IDUA: variants seen among roughly 807,000 people sequenced by gnomAD.
IDUA encodes alpha-L-iduronidase, also known as iduronidase alpha-L-.
In IDUA, 65 loss-of-function variants were observed where a neutral mutation model predicts 68.9. The ratio of observed to expected loss-of-function variants is 0.94; its 90% confidence interval spans 0.77 to 1.16. The LOEUF is 1.16. IDUA is among the 50% of genes most tolerant of loss of function. The probability of loss-of-function intolerance (pLI) is 0.00; values close to 1 mark genes in which losing one functional copy is unlikely to be tolerated. For synonymous variants in IDUA, 529 were observed against 433.6 expected, an observed-to-expected ratio of 1.22 and a Z score of -2.73; for missense variants, 1,046 against 938.0, an observed-to-expected ratio of 1.12 and a Z score of -1.50.
At chr4:999,021 G>T (rs758599321) in intron 2 of IDUA, among the ~76,000 whole-genome samples, 5 of 151,974 alleles carry the variant, frequency 3.3e-5, no homozygotes, top group Admixed American at 1.3e-4. Flanking sequence ...TGGCTAACAT[G>T]GTGAAACTCC....
At chr4:990,459 C>T in intron 2 of IDUA, 1 of 1,179,394 alleles carries the variant, frequency 8.5e-7, no homozygotes, top group South Asian at 1.6e-5. Context: ...GGTCACGGCA[C>T]AGGACCTGAC....
At chr4:998,309 A>C (rs1337625798) in intron 2 of IDUA, among the ~76,000 whole-genome samples, 1 of 152,198 alleles carries the variant, frequency 6.6e-6, no homozygotes, top group Non-Finnish European at 1.5e-5. Context: ...TGGGAGGACC[A>C]GAAGGGAGGC....
At position 989,976 on chromosome 4, in the gene IDUA, G is replaced by A. The variant is rs138492048; in HGVS notation, c.299+2027G>A. The stretch of plus-strand genomic sequence containing the variant: ...GGGGCATGAAACCCGTGGGGATGTC[G>A]CCAGCCACGCTCGAGCCAAAGCGCT... On this transcript the variant is annotated intron_variant, in intron 2 of 13. Coordinates refer to ENST00000514224, the MANE Select transcript of IDUA (RefSeq NM_000203.5). 539 of 1,556,958 alleles carry A rather than the reference G, an allele frequency of 3.5e-4. 1 individual carries two copies. The highest frequency in any genetic ancestry group is 4.1e-4 in the Non-Finnish European group (478 of 1,152,376).
chr4:987,878 T>TGTGGGCGCC lies in IDUA; in HGVS notation c.231_239dup (p.Gly78_Val80dup). 1 of 1,611,900 alleles carries TGTGGGCGCC rather than the reference T, an allele frequency of 6.2e-7. No homozygotes were observed. Among genetic ancestry groups the TGTGGGCGCC allele is most frequent in the Non-Finnish European group, 8.5e-7 (1 of 1,179,672 alleles). ...GGGACCAGCAGCTCAACCTCGCCTA[T>TGTGGGCGCC]GTGGGCGCCGTCCCTCACCGCGGCA... On this transcript the variant is annotated inframe_insertion, in exon 2 of 14. Coordinates refer to ENST00000514224, the MANE Select transcript of IDUA (RefSeq NM_000203.5).
In IDUA at chr4:1,002,577, C is replaced by A. The variant is rs1715162257; in HGVS notation, c.1189+92C>A. On this transcript the variant is annotated intron_variant, in intron 8 of 13. Coordinates refer to ENST00000514224, the MANE Select transcript of IDUA (RefSeq NM_000203.5). ...CCCCGCTGCGGGGAGCGCACTTCCT[C>A]CAGCCGCGCGCTTCCCGGGGTCGGC... 5 of 1,268,098 alleles carry A rather than the reference C, an allele frequency of 3.9e-6. No individual in the cohort carries two copies. In the South Asian group the frequency reaches 8.6e-5, roughly 22 times the overall value. 78.6% of individuals were successfully genotyped at this position (1,268,098 alleles called of 1,614,324 possible). A position where few individuals can be genotyped will look rare whatever the true frequency, so the allele number is the denominator to read the frequency against.
At chr4:991,263 G>A (rs756320773) in intron 2 of IDUA, 4 of 1,612,654 alleles carry the variant, frequency 2.5e-6, no homozygotes, top group South Asian at 1.1e-5. Flanking sequence ...CCTGGGAGGG[G>A]TCAAAGCCGG....
At position 989,606 on chromosome 4, in the gene IDUA, C is replaced by T. The variant is rs144218313; in HGVS notation, c.299+1657C>T. On this transcript the variant is annotated intron_variant, in intron 2 of 13. Transcript: ENST00000514224. ...GCCCCCCGCAGGCTGACCACGATGA[C>T]GCAGGCCAGCACGCTTCGCTGTAGG... is the stretch of plus-strand genomic sequence containing the variant. 9,438 of 1,602,272 alleles carry T rather than the reference C, an allele frequency of 5.9e-3. 390 individuals are homozygous for T. The South Asian group carries it at 0.081, about 14-fold the overall frequency.
Position 1,002,459 on chromosome 4 carries a change from C to G in IDUA, c.1163C>G (p.Thr388Arg), listed in dbSNP as rs794727896. The change falls in exon 8 of 14, where the codon ACG (threonine) becomes AGG (arginine). Residue 388 changes from threonine to arginine, a missense_variant. By Grantham distance (71) the Thr-to-Arg change is moderately conservative. Coordinates refer to ENST00000514224, the MANE Select transcript of IDUA (RefSeq NM_000203.5). ...CAGCTGTTGCGCAAGCCGGTGCTCA[C>G]GGCCATGGGGCTGCTGGCGCTGCTG... ...HVQLLRKPVL[T>R]AMGLLALLDE... 69 of 1,553,226 alleles carry G rather than the reference C, an allele frequency of 4.4e-5. No individual in the cohort carries two copies. Among genetic ancestry groups the G allele is most frequent in the Non-Finnish European group, 6.0e-5 (69 of 1,149,360 alleles).
chr4:996,701 G>A (rs1429415463), intron 2 of IDUA, among the ~76,000 whole-genome samples: 1 of 152,192 alleles, frequency 6.6e-6, no homozygotes, highest in Non-Finnish European at 1.5e-5. Context: ...GGATCCTTGG[G>A]GCCTGACCTG....
rs1479136842 is a variant in IDUA at position 1,003,337 on chromosome 4, G to C, written c.1525-8G>C. On this transcript the variant is annotated splice_polypyrimidine_tract_variant and splice_region_variant and intron_variant, in intron 10 of 13. Transcript: ENST00000514224. ...TGGAGAACCCTGAGGACCGGCCACT[G>C]CGCCCAGGACCCGGTGGCCGCGGCG... 9 of 1,450,728 alleles carry C rather than the reference G, an allele frequency of 6.2e-6. No individual in the cohort carries two copies. The highest frequency in any genetic ancestry group is 8.1e-6 in the Non-Finnish European group (9 of 1,110,462). The allele number at this position is 1,450,728 out of a possible 1,614,324, so 89.9% of individuals were successfully genotyped here. A position where few individuals can be genotyped will look rare whatever the true frequency, so the allele number is the denominator to read the frequency against.
In IDUA at chr4:1,003,156, A is replaced by G. The variant is rs1577543233; in HGVS notation, c.1523A>G (p.Glu508Gly). ...CAGTTCCGGCGCATGCGCGCGGCTG[A>G]GGTAGGTGGGCCGCGGAGGGGCGAG... ...AEQFRRMRAAEDPVAAAPRPL... is the reference protein window; with the variant it reads ...AEQFRRMRAAGDPVAAAPRPL... Residue 508 changes from glutamate (E) to glycine (G), a missense_variant and splice_region_variant, in exon 10 of 14, where the codon GAG (glutamate) becomes GGG (glycine). Transcript: ENST00000514224. The G allele has an allele frequency of 1.7e-6, 2 of 1,182,964 alleles. No homozygotes were observed. Among genetic ancestry groups the G allele is most frequent in the Non-Finnish European group, 1.0e-6 (1 of 955,394 alleles). 73.3% of individuals were successfully genotyped at this position (1,182,964 alleles called of 1,614,324 possible).
chr4:987,381 T>C, intron 1 of IDUA, 139 bp downstream of exon 1: 1 of 880,930 alleles, frequency 1.1e-6, no homozygotes, highest in Non-Finnish European at 1.6e-6. Flanking sequence ...CCCCCCGCCG[T>C]GTTTGTGGGT....
intron 2 of IDUA, chr4:989,172 C>T: frequency 6.2e-7 from 1 of 1,607,224 alleles, no homozygotes; most frequent in South Asian, 1.1e-5. Flanking sequence ...GGTCCTCGCC[C>T]TGGGCAGGGC....
In IDUA at chr4:1,002,797, G is replaced by A. The variant is rs1396670168; in HGVS notation, c.1255G>A (p.Gly419Ser). 2.0e-6 allele frequency: 3 copies of A among 1,468,508 alleles called. No homozygotes were observed. Among genetic ancestry groups the A allele is most frequent in the Non-Finnish European group, 1.8e-6 (2 of 1,115,908 alleles). The allele number at this position is 1,468,508 out of a possible 1,614,324, so 91.0% of individuals were successfully genotyped here. A position where few individuals can be genotyped will look rare whatever the true frequency, so the allele number is the denominator to read the frequency against. ...CGTCCTGGACAGCAACCACACGGTG[G>A]GCGTCCTGGCCAGCGCCCACCGCCC... Reference protein sequence around the residue: ...GTVLDSNHTVGVLASAHRPQG... With the variant: ...GTVLDSNHTVSVLASAHRPQG... The change falls in exon 9 of 14, where the codon GGC becomes AGC. Residue 419 changes from glycine (G) to serine (S), a missense_variant. Coordinates refer to ENST00000514224, the MANE Select transcript of IDUA (RefSeq NM_000203.5).
In IDUA at chr4:1,000,619, A is replaced by T; in HGVS notation, c.307A>T (p.Thr103Ser). 2 of 1,612,306 alleles carry T rather than the reference A, an allele frequency of 1.2e-6. No homozygotes were observed. Among genetic ancestry groups the T allele is most frequent in the African/African-American group, 1.3e-5 (1 of 75,040 alleles). The change falls in exon 3 of 14, where the codon ACT becomes TCT. Residue 103 changes from threonine (T) to serine (S), a missense_variant. Thr to Ser is a moderately conservative substitution (Grantham distance 58). Coordinates refer to ENST00000514224, the MANE Select transcript of IDUA (RefSeq NM_000203.5). ...LLELVTTRGS[T>S]GRGLSYNFTH... ...CTGACCGTCCTTCTGCAGGGGGTCC[A>T]CTGGACGGGGCCTGAGCTACAACTT... is the stretch of plus-strand genomic sequence containing the variant.
rs756131787 is a variant in IDUA, at chr4:1,001,706, C to G, written c.617C>G (p.Ser206Trp). The change falls in exon 6 of 14, where the codon TCG becomes TGG. Residue 206 changes from serine to tryptophan, a missense_variant. Ser to Trp is a radical substitution (Grantham distance 177). Coordinates refer to ENST00000514224, the MANE Select transcript of IDUA (RefSeq NM_000203.5). ...QGFLNYYDAC[S>W]EGLRAASPAL... Reference sequence around the variant, plus strand: ...TTCCTGAACTACTACGATGCCTGCTCGGAGGGTCTGCGCGCCGCCAGCCCC... The same window carrying G: ...TTCCTGAACTACTACGATGCCTGCTGGGAGGGTCTGCGCGCCGCCAGCCCC... The G allele has an allele frequency of 1.9e-6, 3 of 1,599,752 alleles. No individual in the cohort carries two copies. Among genetic ancestry groups the G allele is most frequent in the Non-Finnish European group, 2.5e-6 (3 of 1,178,814 alleles).
In IDUA at chr4:1,002,444, G is replaced by A. The variant is rs754949360; in HGVS notation, c.1148G>A (p.Arg383His). ...NTRPPHVQLL[R>H]KPVLTAMGLL... ...CGCCCGCCGCACGTGCAGCTGTTGC[G>A]CAAGCCGGTGCTCACGGCCATGGGG... Residue 383 changes from arginine to histidine, a missense_variant, in exon 8 of 14, where the codon CGC becomes CAC. Arg to His is a conservative substitution (Grantham distance 29). Transcript: ENST00000514224. 1.6e-5 allele frequency: 25 copies of A among 1,554,722 alleles called. No homozygotes were observed. The South Asian group carries it at 1.7e-4, about 10-fold the overall frequency.
intron 2 of IDUA, among the ~76,000 whole-genome samples, chr4:998,841 T>C (rs988234101): frequency 3.5e-4 from 41 of 118,772 alleles, no homozygotes; most frequent in African/African-American, 1.3e-3. Flanking sequence ...GCTCACAGCC[T>C]GCACAGCCAC....
Position 1,000,630 on chromosome 4 carries a change from C to T in IDUA, c.318C>T (p.Gly106=), listed in dbSNP as rs1174027022. Residue 106 remains glycine (G), a synonymous_variant, in exon 3 of 14, where the codon GGC becomes GGT. Transcript: ENST00000514224. The part of the protein sequence containing the change: ...LVTTRGSTGR[G]LSYNFTHLDG... ...TCTGCAGGGGGTCCACTGGACGGGG[C>T]CTGAGCTACAACTTCACCCACCTGG... 1 of 1,612,570 alleles carries T rather than the reference C, an allele frequency of 6.2e-7. No homozygotes were observed. Among genetic ancestry groups the T allele is most frequent in the Non-Finnish European group, 8.5e-7 (1 of 1,179,708 alleles).
Sources: gnomAD v4.1 joint callset for allele counts (sites outside exome capture counted in the v4.1 genomes callset) on GRCh38, gnomAD v4.1.1 for gene constraint, MANE v1.5 for transcripts, NCBI Gene and HGNC (gene_info 2026-07-23, HGNC 2026-07-21) for gene names.